Variants in FSIP1 observed in about 807,000 individuals in gnomAD.
The protein encoded by FSIP1 is fibrous sheath-interacting protein 1.
In FSIP1, 65 loss-of-function variants were observed where a neutral mutation model predicts 60.9. The ratio of observed to expected loss-of-function variants is 1.07; its 90% CI spans 0.87 to 1.31. The LOEUF (loss-of-function observed/expected upper bound fraction) is 1.31. FSIP1 is among the 40% of genes most tolerant of loss of function. The pLI, the probability that FSIP1 is intolerant of heterozygous loss-of-function variation, is 0.00. For synonymous variants in FSIP1, 209 were observed against 221.2 expected (o/e 0.94, Z 0.49); for missense variants, 675 against 665.5 (o/e 1.01, Z -0.16).
chr15:39,657,563 G>C (rs1290530386), intron 10 of FSIP1, among the ~76,000 whole-genome samples: 2 of 152,058 alleles, frequency 1.3e-5, no homozygotes, highest in Non-Finnish European at 1.5e-5. Flanking sequence ...TCCCATTTTT[G>C]AGGAGGCTTA....
At chr15:39,633,324 G>A (rs1002321364) in intron 10 of FSIP1, among the ~76,000 whole-genome samples, 5 of 151,906 alleles carry the variant, frequency 3.3e-5, no homozygotes, top group East Asian at 1.9e-4. Flanking sequence ...TCCTCACCTC[G>A]CAATCTGCCT....
intron 10 of FSIP1, among the ~76,000 whole-genome samples, chr15:39,641,619 G>A (rs545943783): frequency 1.9e-4 from 29 of 152,250 alleles, no homozygotes; most frequent in Non-Finnish European, 2.8e-4. Context: ...AGTGAAAGTC[G>A]TTTTCCTGGT....
chr15:39,750,191 G>A lies in FSIP1; in HGVS notation c.560-8291C>T, dbSNP rs1243649645. 3.9e-5 allele frequency among the ~76,000 whole-genome samples: 6 copies of A among 151,934 alleles called. No homozygotes were observed. The South Asian group carries it at 6.2e-4, about 16-fold the overall frequency. On this transcript the variant is annotated intron_variant, in intron 5 of 11. Coordinates refer to ENST00000350221, the MANE Select transcript of FSIP1 (RefSeq NM_152597.5). ...ACACAAATAAATGGAAAGATACTCC[G>A]TGCTCATGGATCAAAGGATTCAATA...
At chr15:39,607,537 A>C (rs1400522854) in intron 11 of FSIP1, among the ~76,000 whole-genome samples, 1 of 152,240 alleles carries the variant, frequency 6.6e-6, no homozygotes. Flanking sequence ...TCAAAAATTC[A>C]AATAATACTG....
chr15:39,622,693 C>A (rs777269815), intron 10 of FSIP1, among the ~76,000 whole-genome samples: 3 of 152,264 alleles, frequency 2.0e-5, no homozygotes, highest in Non-Finnish European at 2.9e-5. Context: ...AATGAAGTAA[C>A]CTCTCCAAGG....
intron 9 of FSIP1, 58 bp from the exon 10 acceptor site, chr15:39,713,639 C>A: frequency 6.6e-6 from 10 of 1,511,108 alleles, no homozygotes; most frequent in African/African-American, 1.4e-5. Context: ...CTGTCACATA[C>A]CACCTCAAAG....
intron 10 of FSIP1, among the ~76,000 whole-genome samples, chr15:39,699,176 G>A (rs982577435): frequency 7.2e-5 from 11 of 152,178 alleles, no homozygotes; most frequent in Non-Finnish European, 7.3e-5. Context: ...AACTTATGTG[G>A]TCACCCTAGT....
At chr15:39,666,299 G>A (rs946687634) in intron 10 of FSIP1, among the ~76,000 whole-genome samples, 3 of 152,102 alleles carry the variant, frequency 2.0e-5, no homozygotes, top group Non-Finnish European at 2.9e-5. Flanking sequence ...CTATAAGTCC[G>A]CAATTTACAA....
intron 11 of FSIP1, among the ~76,000 whole-genome samples, chr15:39,605,442 G>C (rs1215840164): frequency 2.0e-5 from 3 of 152,190 alleles, no homozygotes; most frequent in Non-Finnish European, 4.4e-5. Context: ...GTATCACCAG[G>C]GATCTTATTA....
intron 8 of FSIP1, among the ~76,000 whole-genome samples, chr15:39,737,207 C>T (rs919065149): frequency 1.7e-4 from 26 of 152,208 alleles, no homozygotes; most frequent in Admixed American, 3.9e-4. Flanking sequence ...AACATTGGGC[C>T]ACAGCACTCT....
At chr15:39,725,898 T>C (rs149598275) in intron 9 of FSIP1, among the ~76,000 whole-genome samples, 2,059 of 152,056 alleles carry the variant, frequency 0.014, 52 homozygotes, top group African/African-American at 0.047. Context: ...GATTCTCCTG[T>C]CTCAGCCTCT....
intron 10 of FSIP1, among the ~76,000 whole-genome samples, chr15:39,668,544 G>A: frequency 6.6e-6 from 1 of 152,156 alleles, no homozygotes; most frequent in Admixed American, 6.5e-5. Context: ...AGCCTATATT[G>A]TGTTTCCTGC....
chr15:39,688,486 T>C (rs112620839), intron 10 of FSIP1, among the ~76,000 whole-genome samples: 2 of 152,196 alleles, frequency 1.3e-5, no homozygotes, highest in Non-Finnish European at 2.9e-5. Context: ...AATGTTGGTA[T>C]AGGTATTCGA....
chr15:39,723,490 A>T (rs1236314333), intron 9 of FSIP1, among the ~76,000 whole-genome samples: 1 of 152,216 alleles, frequency 6.6e-6, no homozygotes, highest in African/African-American at 2.4e-5. Context: ...TGGCCTCCCA[A>T]AGTGCTGGGA....
intron 9 of FSIP1, 65 bp downstream of exon 9, chr15:39,726,524 T>C (rs1490351150): frequency 1.3e-6 from 2 of 1,553,596 alleles, no homozygotes; most frequent in African/African-American, 1.4e-5. Flanking sequence ...AACAACCAGA[T>C]TGTAAAATTA....
At chr15:39,762,473 C>G (rs1897534461) in intron 5 of FSIP1, among the ~76,000 whole-genome samples, 1 of 152,190 alleles carries the variant, frequency 6.6e-6, no homozygotes, top group Non-Finnish European at 1.5e-5. Context: ...TGCAAAGACC[C>G]TGTTTCCAAA....
chr15:39,635,344 A>G (rs139003312), intron 10 of FSIP1, among the ~76,000 whole-genome samples: 234 of 152,282 alleles, frequency 1.5e-3, no homozygotes, highest in Non-Finnish European at 2.7e-3. Flanking sequence ...AAAAAAAAAA[A>G]AAATCCATTT....
rs143416427 is a variant in FSIP1 at position 39,680,050 on chromosome 15, G to A, written c.1188+33394C>T. 1.3e-3 allele frequency among the ~76,000 whole-genome samples: 194 copies of A among 152,206 alleles called. 1 individual carries two copies. Among genetic ancestry groups the A allele is most frequent in the African/African-American group, 4.5e-3 (186 of 41,544 alleles). ...CTTAACTAATTTCAGTGAAGAAAGT[G>A]CACCTCTTAAAACATGCCAGTGATA... On this transcript the variant is annotated intron_variant, in intron 10 of 11. Transcript: ENST00000350221.
rs1042411351 is a variant in FSIP1, at chr15:39,778,614, G to GA, written c.-7-2084dup. Among the ~76,000 whole-genome samples, 16 of 152,072 alleles carry GA rather than the reference G, an allele frequency of 1.1e-4. 1 individual carries two copies. Among genetic ancestry groups the GA allele is most frequent in the Non-Finnish European group, 2.4e-4 (16 of 68,010 alleles). The stretch of plus-strand genomic sequence containing the variant: ...ACAAGAAAAATAAAGCATTGTACAA[G>GA]AAAAAAGCAATCAATATGTAAATAG... On this transcript the variant is annotated intron_variant, in intron 1 of 11. Transcript: ENST00000350221.
Sources: gnomAD v4.1 joint callset for allele counts (sites outside exome capture counted in the v4.1 genomes callset) on GRCh38, gnomAD v4.1.1 for gene constraint, MANE v1.5 for transcripts, NCBI Gene and HGNC (gene_info 2026-07-23, HGNC 2026-07-21) for gene names.